Variants in PCCA observed in about 807,000 individuals in gnomAD.
The protein encoded by PCCA is propionyl-CoA carboxylase alpha chain, mitochondrial.
PCCA carries 74 observed loss-of-function variants against 101.3 expected under a neutral mutation model. That is an observed-to-expected ratio of 0.73 (90% confidence interval 0.61 to 0.89). The LOEUF is 0.89. PCCA is among the 40% of genes least tolerant of loss of function. The pLI is 0.00. For missense variants in PCCA, 891 were observed against 907.0 expected (o/e 0.98, Z 0.23); for synonymous variants, 294 against 313.6 (o/e 0.94, Z 0.66).
intron 21 of PCCA, among the ~76,000 whole-genome samples, chr13:100,497,955 G>A (rs1218319743): frequency 1.3e-5 from 2 of 151,590 alleles, no homozygotes; most frequent in African/African-American, 2.4e-5. Context: ...TGTAAACTTC[G>A]AACTACCGGG....
At chr13:100,347,771 C>T (rs1193896885) in intron 18 of PCCA, among the ~76,000 whole-genome samples, 1 of 151,998 alleles carries the variant, frequency 6.6e-6, no homozygotes, top group Non-Finnish European at 1.5e-5. Flanking sequence ...GTTCACTTAT[C>T]CAGATAATTG....
At chr13:100,211,808 A>G (rs1018833947) in intron 7 of PCCA, among the ~76,000 whole-genome samples, 4 of 152,038 alleles carry the variant, frequency 2.6e-5, no homozygotes, top group African/African-American at 9.7e-5. Context: ...TGGCATAGTC[A>G]TGGCTCACTG....
chr13:100,491,766 G>C (rs1302487114), intron 21 of PCCA: 9 of 1,202,284 alleles, frequency 7.5e-6, no homozygotes, highest in Non-Finnish European at 9.6e-6. Flanking sequence ...AAGCTCTTTT[G>C]GATTTGTAAC....
intron 9 of PCCA, among the ~76,000 whole-genome samples, chr13:100,260,000 G>A (rs922537408): frequency 6.6e-6 from 1 of 152,060 alleles, no homozygotes; most frequent in Non-Finnish European, 1.5e-5. Context: ...TTATTTTGGT[G>A]ACTTTGACTT....
chr13:100,162,719 A>G (rs2054612127), intron 6 of PCCA, among the ~76,000 whole-genome samples: 1 of 152,334 alleles, frequency 6.6e-6, no homozygotes, highest in South Asian at 2.1e-4. Flanking sequence ...AGCTTTGCTC[A>G]GTTAACTGAG....
chr13:100,333,067 C>T (rs1403701822), intron 17 of PCCA, among the ~76,000 whole-genome samples: 1 of 152,196 alleles, frequency 6.6e-6, no homozygotes. Flanking sequence ...CCTCTAAATA[C>T]TTTAGAAACA....
intron 19 of PCCA, among the ~76,000 whole-genome samples, chr13:100,409,491 T>C (rs968164238): frequency 2.6e-5 from 4 of 152,116 alleles, no homozygotes; most frequent in Non-Finnish European, 5.9e-5. Context: ...AGAGTGCTTC[T>C]CACCCACAGC....
At position 100,348,760 on chromosome 13, in the gene PCCA, CTTTCTTTCTTT is replaced by C. The variant is rs2072712822; in HGVS notation, c.1643+8502_1643+8512del. ...TCTTTCTTTCTTTCTTTCTTTCTTT[CTTTCTTTCTTT>C]CTTTCTTTCTTTCTTTCTTCCTTCC... On this transcript the variant is annotated intron_variant, in intron 18 of 23. Transcript: ENST00000376285. Among the ~76,000 whole-genome samples, 3 of 78,344 alleles carry C rather than the reference CTTTCTTTCTTT, an allele frequency of 3.8e-5. No homozygotes were observed. The South Asian group carries it at 1.3e-3, about 35-fold the overall frequency. The allele number at this position is 78,344 out of a possible 152,430, so 51.4% of individuals were successfully genotyped here.
At position 100,502,690 on chromosome 13, in the gene PCCA, G is replaced by A. The variant is rs531883391; in HGVS notation, c.1900-12737G>A. On this transcript the variant is annotated intron_variant, in intron 21 of 23. Coordinates refer to ENST00000376285, the MANE Select transcript of PCCA (RefSeq NM_000282.4). The stretch of plus-strand genomic sequence containing the variant: ...TGACTGAGTGGTTACAATTTACAAA[G>A]TTAAGAGAGCTTTCTGTTGATTGGT... 3.5e-4 allele frequency among the ~76,000 whole-genome samples: 53 copies of A among 152,308 alleles called. 1 individual carries two copies. The highest frequency in any genetic ancestry group is 1.7e-3 in the South Asian group (8 of 4,832).
In PCCA at chr13:100,330,610, C is replaced by T; in HGVS notation, c.1479C>T (p.Arg493=). 6.2e-7 allele frequency: 1 copy of T among 1,612,998 alleles called. No homozygotes were observed. Residue 493 remains arginine, a synonymous_variant, in exon 17 of 24, where the codon CGC becomes CGT. Coordinates refer to ENST00000376285, the MANE Select transcript of PCCA (RefSeq NM_000282.4). ...ALLREVIINS[R]FVKGDISTKF... ...TTCGAGAGGTGATAATCAACTCACG[C>T]TTTGTAAAAGGAGACATCAGCACTA... is the stretch of plus-strand genomic sequence containing the variant.
intron 20 of PCCA, among the ~76,000 whole-genome samples, chr13:100,440,317 A>T (rs941968920): frequency 6.6e-6 from 1 of 150,636 alleles, no homozygotes; most frequent in Non-Finnish European, 1.5e-5. Flanking sequence ...TTGTGAAACT[A>T]TCTGTAGTAT....
intron 8 of PCCA, among the ~76,000 whole-genome samples, chr13:100,254,103 C>T (rs1423540414): frequency 6.6e-6 from 1 of 151,972 alleles, no homozygotes; most frequent in Non-Finnish European, 1.5e-5. Flanking sequence ...AACATGGCAC[C>T]AGGCAAGAAG....
chr13:100,229,129 A>G (rs1316073674), intron 7 of PCCA, among the ~76,000 whole-genome samples: 1 of 151,816 alleles, frequency 6.6e-6, no homozygotes, highest in Non-Finnish European at 1.5e-5. Context: ...GAGTAGAACT[A>G]TATTTTTTAG....
chr13:100,370,026 T>TG lies in PCCA; in HGVS notation c.1746+1452_1746+1453insG, dbSNP rs570821459. ...TACAATGTTCTTTTAAGTAGTGCCT[T>TG]ACCTTAATAAAGAAAACTGTCTAGA... On this transcript the variant is annotated intron_variant, in intron 19 of 23. Coordinates refer to ENST00000376285, the MANE Select transcript of PCCA (RefSeq NM_000282.4). 1.0e-4 allele frequency among the ~76,000 whole-genome samples: 15 copies of TG among 149,720 alleles called. No individual in the cohort carries two copies. In the South Asian group the frequency reaches 3.2e-3, roughly 32 times the overall value.
At chr13:100,415,742 G>A (rs2078320010) in intron 19 of PCCA, among the ~76,000 whole-genome samples, 1 of 152,210 alleles carries the variant, frequency 6.6e-6, no homozygotes, top group South Asian at 2.1e-4. Context: ...GACTTATGAG[G>A]TGAATCGAAA....
At chr13:100,134,330 T>TC (rs2152329798) in intron 4 of PCCA, among the ~76,000 whole-genome samples, 2 of 152,266 alleles carry the variant, frequency 1.3e-5, no homozygotes, top group South Asian at 2.1e-4. Context: ...TTTCTTTTTC[T>TC]CCCCCCATTT....
At chr13:100,316,352 G>C (rs2067348887) in intron 16 of PCCA, among the ~76,000 whole-genome samples, 1 of 152,146 alleles carries the variant, frequency 6.6e-6, no homozygotes, top group Non-Finnish European at 1.5e-5. Flanking sequence ...CAAGTAGAAA[G>C]ATTTTTAAAA....
chr13:100,202,168 CAAAAAA>C (rs10678691), intron 6 of PCCA, among the ~76,000 whole-genome samples: 25 of 96,792 alleles, frequency 2.6e-4, no homozygotes, highest in Non-Finnish European at 3.8e-4. Flanking sequence ...CATCTCTACC[CAAAAAA>C]AAAAAAAAAA....
intron 12 of PCCA, among the ~76,000 whole-genome samples, chr13:100,300,120 A>G (rs2065943088): frequency 6.6e-6 from 1 of 152,246 alleles, no homozygotes; most frequent in South Asian, 2.1e-4. Flanking sequence ...TATTTATCTT[A>G]TAGAGTCTTG....
Sources: allele counts gnomAD v4.1 joint callset (sites outside exome capture counted in the v4.1 genomes callset), GRCh38; gene constraint gnomAD v4.1.1; transcripts MANE v1.5; gene names NCBI Gene and HGNC (gene_info 2026-07-23, HGNC 2026-07-21).